The following UBA6 variants were observed in gnomAD, a reference collection of about 807,000 sequenced individuals.
UBA6 encodes ubiquitin-like modifier-activating enzyme 6.
In UBA6, 87 loss-of-function variants were observed where a neutral mutation model predicts 148.3. That is an observed-to-expected ratio of 0.59 (90% CI 0.49 to 0.70). UBA6 has a LOEUF of 0.70. Among genes scored for constraint, UBA6 ranks in the 30% least tolerant of loss-of-function variants. UBA6 has a pLI of 0.00. For synonymous variants in UBA6, 376 were observed against 401.0 expected (o/e 0.94, Z 0.75); for missense variants, 1,186 against 1,241.2 (o/e 0.96, Z 0.67).
At chr4:67,625,779 A>C (rs1220424728) in intron 28 of UBA6, among the ~76,000 whole-genome samples, 2 of 151,992 alleles carry the variant, frequency 1.3e-5, no homozygotes, top group African/African-American at 2.4e-5. Context: ...AAAGACGGTG[A>C]GCAGGTCAAA....
rs1577783018 is a variant in UBA6, at chr4:67,618,885, G to C, written c.*112C>G. ...TACTGATGTTTCCCTTAAAATTAAG[G>C]CTTAATGAAAGAGAAATCCATAGTA... On this transcript the variant is annotated 3_prime_UTR_variant, in exon 33 of 33. Coordinates refer to ENST00000322244, the MANE Select transcript of UBA6 (RefSeq NM_018227.6). 2 of 1,088,760 alleles carry C rather than the reference G, an allele frequency of 1.8e-6. No individual in the cohort carries two copies. The highest frequency in any genetic ancestry group is 2.6e-6 in the Non-Finnish European group (2 of 766,508). The allele number at this position is 1,088,760 out of a possible 1,614,324, so 67.4% of individuals were successfully genotyped here.
intron 27 of UBA6, among the ~76,000 whole-genome samples, chr4:67,628,677 T>C (rs957775132): frequency 6.6e-6 from 1 of 151,936 alleles, no homozygotes; most frequent in Non-Finnish European, 1.5e-5. Context: ...GAAGGTATTA[T>C]TATGTTATTC....
In UBA6 at chr4:67,634,299, T is replaced by C. The variant is rs773073361; in HGVS notation, c.1956A>G (p.Lys652=). The C allele has an allele frequency of 1.3e-6, 2 of 1,595,230 alleles. No individual in the cohort carries two copies. Among genetic ancestry groups the C allele is most frequent in the South Asian group, 1.2e-5 (1 of 85,790 alleles). ...GCCAAAATTTGTTAAACAATGAAGG[T>C]TTGTGGGAAAAGGAACTTTCAAACT... is the stretch of plus-strand genomic sequence containing the variant. ...RDKFESSFSH[K]PSLFNKFWQT... Residue 652 remains lysine (K), a synonymous_variant, in exon 22 of 33, where the codon AAA becomes AAG. Coordinates refer to ENST00000322244, the MANE Select transcript of UBA6 (RefSeq NM_018227.6).
chr4:67,646,712 T>A lies in UBA6; in HGVS notation c.1316+12A>T. The A allele has an allele frequency of 6.3e-7, 1 of 1,596,416 alleles. No individual in the cohort carries two copies. Among genetic ancestry groups the A allele is most frequent in the Non-Finnish European group, 8.5e-7 (1 of 1,170,732 alleles). On this transcript the variant is annotated intron_variant, in intron 15 of 32. Coordinates refer to ENST00000322244, the MANE Select transcript of UBA6 (RefSeq NM_018227.6). ...TGCCTGTTAGTAAAAGCAAGAGAAA[T>A]TTCATTATTACCGTGGGAGAAATTC... is the stretch of plus-strand genomic sequence containing the variant.
In UBA6 at chr4:67,656,635, C is replaced by T. The variant is rs559473753; in HGVS notation, c.1104+5554G>A. ...AAAACTGGTACAAGACAAGGATGCC[C>T]TCTCTCACCACTCCTATTCAACATA... On this transcript the variant is annotated intron_variant, in intron 13 of 32. Coordinates refer to ENST00000322244, the MANE Select transcript of UBA6 (RefSeq NM_018227.6). Among the ~76,000 whole-genome samples the T allele has an allele frequency of 3.3e-5, 5 of 152,294 alleles. No individual in the cohort carries two copies. The South Asian group carries it at 6.2e-4, about 19-fold the overall frequency.
At chr4:67,641,377 T>A in intron 17 of UBA6, 149 bp from the exon 18 acceptor site, 2 of 530,020 alleles carry the variant, frequency 3.8e-6, no homozygotes, top group Non-Finnish European at 6.6e-6. Context: ...TCCCAAATAG[T>A]TACCAATACT....
intron 13 of UBA6, among the ~76,000 whole-genome samples, chr4:67,658,624 C>T (rs1289061673): frequency 6.6e-6 from 1 of 152,066 alleles, no homozygotes; most frequent in Non-Finnish European, 1.5e-5. Flanking sequence ...ATATGTATGA[C>T]AAACCCCCAT....
At chr4:67,632,766 G>C (rs1729029228) in intron 23 of UBA6, among the ~76,000 whole-genome samples, 1 of 152,146 alleles carries the variant, frequency 6.6e-6, no homozygotes, top group Non-Finnish European at 1.5e-5. Context: ...GGCTGAGGCA[G>C]GGATCACTTG....
intron 13 of UBA6, 168 bp downstream of exon 13, chr4:67,662,021 G>A (rs1430039250): frequency 1.8e-6 from 1 of 570,360 alleles, no homozygotes; most frequent in Non-Finnish European, 3.1e-6. Context: ...ATGAAGGTAG[G>A]TTAACTCTAT....
At chr4:67,670,145 T>C (rs996357361) in intron 8 of UBA6, among the ~76,000 whole-genome samples, 3 of 152,176 alleles carry the variant, frequency 2.0e-5, no homozygotes, top group African/African-American at 7.2e-5. Context: ...GGTTTCACCA[T>C]GTTGCCCAGG....
intron 18 of UBA6, among the ~76,000 whole-genome samples, chr4:67,640,480 A>C (rs556440015): frequency 6.6e-6 from 1 of 152,136 alleles, no homozygotes; most frequent in Non-Finnish European, 1.5e-5. Flanking sequence ...AATTTTTTTA[A>C]AACTTTTTTT....
intron 5 of UBA6, 90 bp from the exon 6 acceptor site, chr4:67,677,812 T>C: frequency 1.7e-6 from 1 of 603,142 alleles, no homozygotes; most frequent in Non-Finnish European, 2.7e-6. Flanking sequence ...CAGAGGAACC[T>C]GACATGTTAC....
intron 2 of UBA6, among the ~76,000 whole-genome samples, chr4:67,684,180 CTGGCTG>C (rs1730506389): frequency 1.3e-5 from 2 of 152,214 alleles, no homozygotes; most frequent in Non-Finnish European, 2.9e-5. Context: ...ATTTCACAAC[CTGGCTG>C]TGCAGGCTTG....
At chr4:67,629,046 T>A in intron 27 of UBA6, 25 bp downstream of exon 27, 1 of 1,518,874 alleles carries the variant, frequency 6.6e-7, no homozygotes, top group Non-Finnish European at 9.1e-7. Context: ...AACTATTTGC[T>A]GAATGAATGA....
intron 17 of UBA6, among the ~76,000 whole-genome samples, chr4:67,643,540 A>G (rs1398006275): frequency 6.6e-6 from 1 of 151,940 alleles, no homozygotes; most frequent in Non-Finnish European, 1.5e-5. Flanking sequence ...CTGAGTTTCA[A>G]TTTCTCATTA....
chr4:67,643,304 T>C (rs575556964), intron 17 of UBA6, among the ~76,000 whole-genome samples: 2 of 152,140 alleles, frequency 1.3e-5, no homozygotes, highest in South Asian at 2.1e-4. Flanking sequence ...CTGATTCTTG[T>C]GGTGGTTCCC....
chr4:67,675,146 T>C (rs1253617854), intron 6 of UBA6, among the ~76,000 whole-genome samples: 4 of 152,160 alleles, frequency 2.6e-5, no homozygotes, highest in Non-Finnish European at 4.4e-5. Flanking sequence ...TGGGATATTT[T>C]CTTTATTTCT....
At chr4:67,650,984 G>A (rs996399468) in intron 13 of UBA6, among the ~76,000 whole-genome samples, 6 of 152,114 alleles carry the variant, frequency 3.9e-5, no homozygotes, top group Non-Finnish European at 5.9e-5. Flanking sequence ...TCCATTAGAA[G>A]CTCCTTTTCA....
intron 27 of UBA6, among the ~76,000 whole-genome samples, chr4:67,627,135 G>T (rs1285921306): frequency 6.6e-6 from 1 of 151,812 alleles, no homozygotes; most frequent in Non-Finnish European, 1.5e-5. Context: ...TATTCCCTGA[G>T]GGCACGGAAA....
Sources: allele counts gnomAD v4.1 joint callset (sites outside exome capture counted in the v4.1 genomes callset), GRCh38; gene constraint gnomAD v4.1.1; transcripts MANE v1.5; gene names NCBI Gene and HGNC (gene_info 2026-07-23, HGNC 2026-07-21).